Variants in RASSF3 observed in about 807,000 individuals in gnomAD.
RASSF3 encodes the protein ras association domain-containing protein 3.
Under a neutral mutation model 19.9 loss-of-function variants are expected in RASSF3, and 19 were observed. The observed-to-expected ratio is 0.96, with a 90% confidence interval of 0.67 to 1.40. RASSF3 has a LOEUF of 1.40. Ranked by LOEUF, RASSF3 falls within the 40% of genes most tolerant of loss-of-function variation. The pLI, the probability that RASSF3 is intolerant of heterozygous loss-of-function variation, is 0.00. For synonymous variants in RASSF3, 110 were observed against 104.2 expected, an observed-to-expected ratio of 1.06 and a Z score of -0.34; for missense variants, 306 against 289.8, an observed-to-expected ratio of 1.06 and a Z score of -0.41.
intron 2 of RASSF3, among the ~76,000 whole-genome samples, chr12:64,555,472 G>C (rs923328369): frequency 6.6e-6 from 1 of 151,938 alleles, no homozygotes; most frequent in Non-Finnish European, 1.5e-5. Flanking sequence ...TCTACCGGCC[G>C]GGCACGGTGG....
At chr12:64,665,683 C>T (rs995249078) in intron 1 of RASSF3, among the ~76,000 whole-genome samples, 2 of 151,236 alleles carry the variant, frequency 1.3e-5, no homozygotes, top group Non-Finnish European at 2.9e-5. Flanking sequence ...ATTAACCTGC[C>T]CTCTTAATTT....
At chr12:64,538,842 G>A (rs1313366558) in intron 1 of RASSF3, among the ~76,000 whole-genome samples, 1 of 152,062 alleles carries the variant, frequency 6.6e-6, no homozygotes, top group Non-Finnish European at 1.5e-5. Context: ...TCAGGAGTTT[G>A]AGACCAGCCT....
chr12:64,601,015 C>G (rs1272966790), intron 2 of RASSF3, among the ~76,000 whole-genome samples: 2 of 152,138 alleles, frequency 1.3e-5, no homozygotes, highest in African/African-American at 2.4e-5. Flanking sequence ...AGGCTGGGTG[C>G]AGTGGCTCAT....
chr12:64,599,405 A>G (rs531101335), intron 2 of RASSF3, among the ~76,000 whole-genome samples: 6 of 152,344 alleles, frequency 3.9e-5, no homozygotes, highest in African/African-American at 1.4e-4. Flanking sequence ...GGAAAGTTCA[A>G]TGTCCCAGAC....
At chr12:64,641,414 A>ACACACACGCGCGCGCGCGCGCG in intron 1 of RASSF3, among the ~76,000 whole-genome samples, 4 of 142,100 alleles carry the variant, frequency 2.8e-5, no homozygotes, top group African/African-American at 8.4e-5. Flanking sequence ...ACACACACAC[A>ACACACACGCGCGCGCGCGCGCG]CGCGCGCGCG....
At position 64,669,912 on chromosome 12, in the gene RASSF3, A is replaced by AG. The variant is rs1214906603; in HGVS notation, c.112-14875_112-14874insG. 1.7e-4 allele frequency among the ~76,000 whole-genome samples: 24 copies of AG among 140,324 alleles called. No individual in the cohort carries two copies. In the East Asian group the frequency reaches 4.7e-3, roughly 27 times the overall value. The allele number at this position is 140,324 out of a possible 152,430, so 92.1% of individuals were successfully genotyped here. On this transcript the variant is annotated intron_variant, in intron 1 of 4. Transcript: ENST00000542104. ...TACCAAAAAAAAAAAAAAAAAAAAA[A>AG]TTGCTGGCAATCTGCTTTCCAGGGC...
chr12:64,565,478 C>T (rs1052971205), intron 2 of RASSF3, among the ~76,000 whole-genome samples: 4 of 152,114 alleles, frequency 2.6e-5, no homozygotes, highest in South Asian at 2.1e-4. Flanking sequence ...TTTGGGAGAC[C>T]GAGGGAGGTG....
intron 1 of RASSF3, among the ~76,000 whole-genome samples, chr12:64,666,970 G>A (rs925439489): frequency 1.3e-5 from 2 of 152,294 alleles, no homozygotes; most frequent in African/African-American, 4.8e-5. Context: ...GAAAGTGGGA[G>A]CAAAAGTAAT....
intron 2 of RASSF3, among the ~76,000 whole-genome samples, chr12:64,595,875 C>T (rs1869992121): frequency 6.6e-6 from 1 of 152,166 alleles, no homozygotes; most frequent in Admixed American, 6.6e-5. Flanking sequence ...TAGAATCTCT[C>T]TTCCCCAAGG....
chr12:64,694,024 G>GAGT (rs1194526561), intron 4 of RASSF3, among the ~76,000 whole-genome samples: 2 of 152,166 alleles, frequency 1.3e-5, no homozygotes, highest in Admixed American at 6.5e-5. Flanking sequence ...TGGGGAGGAT[G>GAGT]AGTAGTTCAT....
intron 1 of RASSF3, among the ~76,000 whole-genome samples, chr12:64,537,739 CA>C (rs1344773515): frequency 1.3e-5 from 2 of 152,204 alleles, no homozygotes; most frequent in Admixed American, 6.6e-5. Flanking sequence ...CTTCCCATAT[CA>C]AAATCCTGAC....
At chr12:64,693,734 A>G (rs914314639) in intron 4 of RASSF3, among the ~76,000 whole-genome samples, 1 of 152,212 alleles carries the variant, frequency 6.6e-6, no homozygotes, top group Non-Finnish European at 1.5e-5. Flanking sequence ...TGCCCAGCCT[A>G]AAAACTTATT....
downstream of RASSF3, among the ~76,000 whole-genome samples, chr12:64,545,272 GA>G (rs1869034565): frequency 6.6e-6 from 1 of 152,150 alleles, no homozygotes; most frequent in Admixed American, 6.5e-5. Context: ...GTTTGGCTTG[GA>G]AAAAAATGTG....
At chr12:64,599,900 C>G (rs1480030716) in intron 2 of RASSF3, among the ~76,000 whole-genome samples, 1 of 151,642 alleles carries the variant, frequency 6.6e-6, no homozygotes, top group Admixed American at 6.6e-5. Context: ...GGCGTGGTGG[C>G]GGGCGCCTGT....
intron 1 of RASSF3, among the ~76,000 whole-genome samples, chr12:64,662,080 A>T (rs944856623): frequency 6.6e-6 from 1 of 151,978 alleles, no homozygotes; most frequent in Non-Finnish European, 1.5e-5. Flanking sequence ...AGAGAAAAAA[A>T]AATCCCTGCC....
intron 1 of RASSF3, among the ~76,000 whole-genome samples, chr12:64,636,355 C>G (rs924341656): frequency 2.0e-5 from 3 of 151,972 alleles, no homozygotes; most frequent in African/African-American, 7.2e-5. Context: ...CTCAGGCTAT[C>G]TGTCCACCTT....
chr12:64,596,302 T>C (rs1258604279), intron 2 of RASSF3, among the ~76,000 whole-genome samples: 1 of 152,248 alleles, frequency 6.6e-6, no homozygotes, highest in Non-Finnish European at 1.5e-5. Context: ...TAATCTACCT[T>C]ATGCTAGTTG....
At chr12:64,533,043 G>A (rs536505130), upstream of RASSF3, among the ~76,000 whole-genome samples, 13 of 152,278 alleles carry the variant, frequency 8.5e-5, no homozygotes, top group African/African-American at 3.1e-4. Context: ...CTTCTAATTT[G>A]ACTTACAGAC....
chr12:64,508,892 A>G (rs1450921804), intron 1 of RASSF3, among the ~76,000 whole-genome samples: 4 of 151,670 alleles, frequency 2.6e-5, no homozygotes, highest in African/African-American at 9.7e-5. Context: ...GTCTCAAAAA[A>G]CAAAAACAAA....
Sources: allele counts gnomAD v4.1 joint callset (sites outside exome capture counted in the v4.1 genomes callset), GRCh38; gene constraint gnomAD v4.1.1; transcripts MANE v1.5; gene names NCBI Gene and HGNC (gene_info 2026-07-23, HGNC 2026-07-21).